The following SH3BP2 variants were observed in gnomAD, a reference collection of about 807,000 sequenced individuals.
SH3BP2 encodes the protein SH3 domain-binding protein 2.
Under a neutral mutation model 56.2 loss-of-function variants are expected in SH3BP2, and 38 were observed. The observed-to-expected ratio is 0.68, with a 90% CI of 0.52 to 0.89. The LOEUF is 0.89. Ranked by LOEUF, SH3BP2 falls within the 40% of genes least tolerant of loss-of-function variation. SH3BP2 has a pLI of 0.00. For missense variants in SH3BP2, 748 were observed against 762.6 expected (o/e 0.98, Z 0.23); for synonymous variants, 346 against 316.7 (o/e 1.09, Z -0.98).
intron 1 of SH3BP2, among the ~76,000 whole-genome samples, chr4:2,799,970 G>A (rs759893501): frequency 3.3e-5 from 5 of 152,170 alleles, no homozygotes; most frequent in Non-Finnish European, 7.4e-5. Flanking sequence ...TCTGGGGTCT[G>A]GAGACCACTG....
chr4:2,811,296 G>T (rs1015041790), intron 1 of SH3BP2, among the ~76,000 whole-genome samples: 3 of 152,190 alleles, frequency 2.0e-5, no homozygotes, highest in African/African-American at 7.2e-5. Flanking sequence ...ATTTCGGGGG[G>T]CCGTGCCCTA....
intron 1 of SH3BP2, chr4:2,818,085 A>T: frequency 2.6e-6 from 1 of 383,116 alleles, no homozygotes; most frequent in Non-Finnish European, 3.6e-6. Context: ...TGAGGCCCGC[A>T]GGGGGCTCAC....
chr4:2,823,929 G>A (rs1210132412), intron 3 of SH3BP2, among the ~76,000 whole-genome samples: 6 of 152,248 alleles, frequency 3.9e-5, no homozygotes, highest in African/African-American at 1.2e-4. Flanking sequence ...CCCTGGGGAA[G>A]GTCGTTCCCT....
In SH3BP2 at chr4:2,829,520, C is replaced by A. The variant is rs747483015; in HGVS notation, c.614C>A (p.Pro205Gln). 3.7e-6 allele frequency: 6 copies of A among 1,613,488 alleles called. No homozygotes were observed. The highest frequency in any genetic ancestry group is 1.3e-5 in the African/African-American group (1 of 74,882). ...EDALMHPPAY[P>Q]PPPVPTPRKP... ...GCCCTGATGCACCCACCGGCTTACC[C>A]ACCACCCCCAGTGCCCACGCCCAGG... The change falls in exon 8 of 13, where the codon CCA becomes CAA. Residue 205 changes from proline (P) to glutamine (Q), a missense_variant. Pro to Gln is a moderately conservative substitution (Grantham distance 76). Coordinates refer to ENST00000503393, the MANE Select transcript of SH3BP2 (RefSeq NM_001122681.2). This position sits in a 1 kb window ranked among gnomAD's most constrained non-coding sequence, Gnocchi z 4.9.
At chr4:2,826,411 CACGTGTTGCTCTGTGTTTGTGTGT>C (rs1724632777) in intron 5 of SH3BP2, 1 of 121,400 alleles carries the variant, frequency 8.2e-6, no homozygotes. Flanking sequence ...TGTGCATGTC[CACGTGTTGCTCTGTGTTTGTGTGT>C]GCATGTCCGC....
At chr4:2,816,847 T>G (rs1724022937) in intron 1 of SH3BP2, among the ~76,000 whole-genome samples, 1 of 146,122 alleles carries the variant, frequency 6.8e-6, no homozygotes, top group African/African-American at 2.7e-5. Context: ...AGTATTTTGT[T>G]GAGGATGTTT....
At chr4:2,812,823 G>T (rs901638187) in intron 1 of SH3BP2, among the ~76,000 whole-genome samples, 2 of 151,444 alleles carry the variant, frequency 1.3e-5, no homozygotes, top group African/African-American at 4.9e-5. Context: ...CAGCCTGCAG[G>T]GTGGCCTTGG....
In SH3BP2 at chr4:2,829,296, G is replaced by A. The variant is rs879428806; in HGVS notation, c.587-197G>A. 6.6e-6 allele frequency among the ~76,000 whole-genome samples: 1 copy of A among 152,106 alleles called. No homozygotes were observed. The highest frequency in any genetic ancestry group is 2.4e-5 in the African/African-American group (1 of 41,416). On this transcript the variant is annotated intron_variant, in intron 7 of 12. Transcript: ENST00000503393. The surrounding 1 kb of genome is among the most constrained non-coding windows in gnomAD (Gnocchi z 4.9). ...TGCCATAGGGAGGATGAATGGGGAAGGCTGGGGGTGGTGGGTGGTCTGGGA... is the reference window on the plus strand; with the variant it reads ...TGCCATAGGGAGGATGAATGGGGAAAGCTGGGGGTGGTGGGTGGTCTGGGA...
chr4:2,796,940 C>T (rs897077158), intron 1 of SH3BP2, among the ~76,000 whole-genome samples: 15 of 152,226 alleles, frequency 9.9e-5, no homozygotes, highest in Non-Finnish European at 1.9e-4. Context: ...GAGCAGGCTT[C>T]GTCTGAGGGC....
At chr4:2,807,223 C>T (rs185730294) in intron 1 of SH3BP2, among the ~76,000 whole-genome samples, 45 of 152,326 alleles carry the variant, frequency 3.0e-4, no homozygotes, top group Non-Finnish European at 4.4e-4. Context: ...GCCTCAGCTG[C>T]GGCCGTGCTG....
rs1050321833 is a variant in SH3BP2 at position 2,835,219 on chromosome 4, C to T, written c.*1385C>T. 2.0e-5 allele frequency: 3 copies of T among 152,222 alleles called. No individual in the cohort carries two copies. The highest frequency in any genetic ancestry group is 7.2e-5 in the African/African-American group (3 of 41,420). The allele number at this position is 152,222 out of a possible 1,614,324, so 9.4% of individuals were successfully genotyped here. ...ACAGTGACTGACTGGGGGAGAAGGT[C>T]CTGCAGCCCCCTTCCCCTGGGTGTG... On this transcript the variant is annotated 3_prime_UTR_variant, in exon 13 of 13. Coordinates refer to ENST00000503393, the MANE Select transcript of SH3BP2 (RefSeq NM_001122681.2).
At chr4:2,815,713 A>T (rs1051369873) in intron 1 of SH3BP2, among the ~76,000 whole-genome samples, 1 of 152,210 alleles carries the variant, frequency 6.6e-6, no homozygotes, top group African/African-American at 2.4e-5. Flanking sequence ...GCTCTGTTTC[A>T]GCTTCCTGTG....
intron 1 of SH3BP2, chr4:2,812,491 C>T (rs1723792798): frequency 1.4e-5 from 22 of 1,546,578 alleles, no homozygotes; most frequent in Non-Finnish European, 1.9e-5. Context: ...AGTGGGGCGG[C>T]CCCAGGACTG....
rs1263291929 is a variant in SH3BP2 at position 2,835,653 on chromosome 4, C to T, written c.*1819C>T. 3.3e-5 allele frequency: 5 copies of T among 152,166 alleles called. No homozygotes were observed. The highest frequency in any genetic ancestry group is 7.2e-5 in the African/African-American group (3 of 41,424). The allele number at this position is 152,166 out of a possible 1,614,324, so 9.4% of individuals were successfully genotyped here. A position where few individuals can be genotyped will look rare whatever the true frequency, so the allele number is the denominator to read the frequency against. On this transcript the variant is annotated 3_prime_UTR_variant, in exon 13 of 13. Transcript: ENST00000503393. ...TAGTTTTTTGTTTTTGAGATGTAGT[C>T]TCACCCTGTCGCCCAGGCTGGAGTG...
intron 1 of SH3BP2, chr4:2,812,617 C>A: frequency 8.9e-7 from 1 of 1,118,352 alleles, no homozygotes; most frequent in Non-Finnish European, 1.3e-6. Flanking sequence ...GGCCCTGAGC[C>A]TGCAAAAGGC....
rs997002126 is a variant in SH3BP2 at position 2,831,122 on chromosome 4, A to G, written c.1242-449A>G. Among the ~76,000 whole-genome samples, 3 of 152,164 alleles carry G rather than the reference A, an allele frequency of 2.0e-5. No homozygotes were observed. The highest frequency in any genetic ancestry group is 7.2e-5 in the African/African-American group (3 of 41,436). On this transcript the variant is annotated intron_variant, in intron 8 of 12. Transcript: ENST00000503393. The surrounding 1 kb of genome is among the most constrained non-coding windows in gnomAD (Gnocchi z 4.1). ...CCCTAGAGCCTTTGAGGCTTTGCTG[A>G]GCAGGACCGGCTAGCCACACAGGGA...
chr4:2,830,190 G>A, intron 8 of SH3BP2, 43 bp downstream of exon 8: 3 of 1,567,876 alleles, frequency 1.9e-6, no homozygotes, highest in Non-Finnish European at 2.6e-6. Flanking sequence ...CCAGCTACAG[G>A]GACCCTGGCC....
At chr4:2,824,544 G>T (rs552065108) in intron 3 of SH3BP2, 69 bp from the exon 4 acceptor site, 1 of 1,156,278 alleles carries the variant, frequency 8.6e-7, no homozygotes, top group Non-Finnish European at 1.3e-6. Flanking sequence ...GTGTTCACAG[G>T]GGGGTGCTGT....
intron 1 of SH3BP2, among the ~76,000 whole-genome samples, chr4:2,812,734 C>T (rs1176111481): frequency 6.6e-6 from 1 of 151,984 alleles, no homozygotes; most frequent in Non-Finnish European, 1.5e-5. Context: ...CCCCCCCACC[C>T]CCCCATCACA....
Sources: gnomAD v4.1 joint callset for allele counts (sites outside exome capture counted in the v4.1 genomes callset) on GRCh38, gnomAD v4.1.1 for gene constraint, Gnocchi (gnomAD v3.1) non-coding constraint, MANE v1.5 for transcripts, NCBI Gene and HGNC (gene_info 2026-07-23, HGNC 2026-07-21) for gene names.